GBE1: variants seen among roughly 807,000 people sequenced by gnomAD.
GBE1 encodes 1,4-alpha-glucan-branching enzyme.
A neutral mutation model predicts 88.8 loss-of-function variants in GBE1; 70 were observed. The ratio of observed to expected loss-of-function variants is 0.79; its 90% confidence interval spans 0.65 to 0.96. GBE1 has a LOEUF of 0.96. Among genes scored for constraint, GBE1 ranks in the 40% least tolerant of loss-of-function variants. GBE1 has a pLI of 0.00. For synonymous variants in GBE1, 284 were observed against 300.1 expected (o/e 0.95, Z 0.56); for missense variants, 872 against 871.0 (o/e 1.00, Z -0.01).
At chr3:81,552,021 G>A (rs573453276) in intron 12 of GBE1, among the ~76,000 whole-genome samples, 10 of 152,300 alleles carry the variant, frequency 6.6e-5, no homozygotes, top group Admixed American at 3.3e-4. Flanking sequence ...GATAAATTAT[G>A]TGTAACATCT....
At chr3:81,524,963 T>C (rs1000086813) in intron 14 of GBE1, among the ~76,000 whole-genome samples, 5 of 151,910 alleles carry the variant, frequency 3.3e-5, no homozygotes, top group Non-Finnish European at 7.4e-5. Flanking sequence ...GGTATTTTGA[T>C]AGGGATTCTT....
intron 5 of GBE1, among the ~76,000 whole-genome samples, chr3:81,646,974 T>A (rs1576183787): frequency 1.4e-5 from 2 of 144,898 alleles, no homozygotes; most frequent in East Asian, 4.0e-4. Flanking sequence ...TTTTTTTTTT[T>A]GAGATGGAGT....
At position 81,522,775 on chromosome 3, in the gene GBE1, C is replaced by A. The variant is rs1002333727; in HGVS notation, c.1934+12420G>T. Among the ~76,000 whole-genome samples, 11 of 151,548 alleles carry A rather than the reference C, an allele frequency of 7.3e-5. No homozygotes were observed. In the East Asian group the frequency reaches 1.2e-3, roughly 16 times the overall value. The stretch of plus-strand genomic sequence containing the variant: ...CAAGTGGGCACAAATCTGTAACAGG[C>A]AAAATGTGGGAAATAGGTCAACAAT... On this transcript the variant is annotated intron_variant, in intron 14 of 15. Transcript: ENST00000429644.
At chr3:81,515,384 T>C (rs1384118206) in intron 14 of GBE1, among the ~76,000 whole-genome samples, 2 of 151,564 alleles carry the variant, frequency 1.3e-5, no homozygotes, top group Non-Finnish European at 3.0e-5. Flanking sequence ...CTTGTTACTA[T>C]TGTAATTGTT....
chr3:81,656,035 G>C (rs551581714), intron 3 of GBE1, among the ~76,000 whole-genome samples: 1 of 152,128 alleles, frequency 6.6e-6, no homozygotes, highest in East Asian at 1.9e-4. Context: ...TCTATCCACA[G>C]CTCTGCTTGT....
chr3:81,518,831 C>T (rs1371829888), intron 14 of GBE1, among the ~76,000 whole-genome samples: 5 of 151,418 alleles, frequency 3.3e-5, no homozygotes, highest in East Asian at 1.9e-4. Context: ...CAATAAATTG[C>T]AGCATAACAT....
intron 1 of GBE1, among the ~76,000 whole-genome samples, chr3:81,750,601 G>GTATATATA (rs1290586284): frequency 5.6e-5 from 2 of 35,808 alleles, no homozygotes; most frequent in Admixed American, 3.7e-4. Flanking sequence ...ATATATATAT[G>GTATATATA]TGTATATATA....
chr3:81,661,499 T>C (rs144672529), intron 3 of GBE1, among the ~76,000 whole-genome samples: 62 of 152,364 alleles, frequency 4.1e-4, no homozygotes, highest in African/African-American at 1.4e-3. Context: ...TTGATTTGTA[T>C]ACTCCGACGT....
intron 3 of GBE1, among the ~76,000 whole-genome samples, chr3:81,655,702 T>C (rs1183797245): frequency 1.3e-5 from 2 of 152,166 alleles, no homozygotes; most frequent in East Asian, 3.9e-4. Context: ...TTTTTTTTAG[T>C]AGAGGCAGGG....
rs146787712 is a variant in GBE1 at position 81,656,879 on chromosome 3, G to A, written c.430-6958C>T. Among the ~76,000 whole-genome samples the A allele has an allele frequency of 1.1e-3, 168 of 152,166 alleles. 1 individual carries two copies. The highest frequency in any genetic ancestry group is 1.9e-3 in the Non-Finnish European group (130 of 68,012). On this transcript the variant is annotated intron_variant, in intron 3 of 15. Coordinates refer to ENST00000429644, the MANE Select transcript of GBE1 (RefSeq NM_000158.4). ...ACTTTAAAAATGTGAATTTGTGCCC[G>A]GGTGTGTGGCTCACGCTTGTAATCA...
chr3:81,714,182 T>C lies in GBE1; in HGVS notation c.144-8569A>G, dbSNP rs140709260. ...ATTTTGAACCCTGATGTCTTCCTAG[T>C]ACATACAATACTGGCACATAAGTTT... On this transcript the variant is annotated intron_variant, in intron 1 of 15. Coordinates refer to ENST00000429644, the MANE Select transcript of GBE1 (RefSeq NM_000158.4). Among the ~76,000 whole-genome samples the C allele has an allele frequency of 1.3e-3, 195 of 152,322 alleles. 5 individuals carry two copies. The East Asian group carries it at 0.031, about 24-fold the overall frequency.
chr3:81,654,881 C>A (rs1052035450), intron 3 of GBE1: 2 of 151,888 alleles, frequency 1.3e-5, no homozygotes, highest in Admixed American at 1.3e-4. Flanking sequence ...TACACATAAA[C>A]CCAACATATT....
At chr3:81,636,600 G>A (rs926971992) in intron 7 of GBE1, among the ~76,000 whole-genome samples, 3 of 150,192 alleles carry the variant, frequency 2.0e-5, no homozygotes, top group African/African-American at 4.9e-5. Context: ...GCGCAATCTC[G>A]GCTCACTGCA....
At chr3:81,614,485 C>T (rs1704222563) in intron 7 of GBE1, among the ~76,000 whole-genome samples, 1 of 152,100 alleles carries the variant, frequency 6.6e-6, no homozygotes, top group South Asian at 2.1e-4. Flanking sequence ...GCCTGCAATC[C>T]CAACTCTGTG....
Position 81,590,901 on chromosome 3 carries a change from T to C in GBE1, c.1236+136A>G, listed in dbSNP as rs1270387496. ...TAAATAATGTGCCACCCATACAAGA[T>C]AGCTGCACTATACTCAGGGTAGAAT... On this transcript the variant is annotated intron_variant, in intron 9 of 15. Transcript: ENST00000429644. 38 of 630,676 alleles carry C rather than the reference T, an allele frequency of 6.0e-5. No individual in the cohort carries two copies. The Middle Eastern group carries it at 8.3e-4, about 14-fold the overall frequency. 39.1% of individuals were successfully genotyped at this position (630,676 alleles called of 1,614,324 possible). A position where few individuals can be genotyped will look rare whatever the true frequency, so the allele number is the denominator to read the frequency against.
chr3:81,602,601 C>T (rs370696635), intron 7 of GBE1, among the ~76,000 whole-genome samples: 5 of 151,908 alleles, frequency 3.3e-5, no homozygotes, highest in Admixed American at 1.3e-4. Context: ...TCTAAGAGCG[C>T]TAATCCCATT....
intron 10 of GBE1, among the ~76,000 whole-genome samples, chr3:81,585,396 T>C (rs1020671723): frequency 3.3e-5 from 5 of 152,132 alleles, no homozygotes; most frequent in Non-Finnish European, 7.4e-5. Context: ...TTTGTATATA[T>C]ATCTGACTCC....
At chr3:81,753,055 A>G (rs903558695) in intron 1 of GBE1, among the ~76,000 whole-genome samples, 22 of 152,232 alleles carry the variant, frequency 1.4e-4, no homozygotes, top group Admixed American at 3.3e-4. Context: ...ATAAGTTCAC[A>G]GAGGTTGATT....
chr3:81,663,858 G>T (rs1008514439), intron 3 of GBE1, among the ~76,000 whole-genome samples: 1 of 152,198 alleles, frequency 6.6e-6, no homozygotes, highest in Admixed American at 6.5e-5. Flanking sequence ...CCCATCGCGC[G>T]CCCTGTGAGG....
Sources: gnomAD v4.1 joint callset for allele counts (sites outside exome capture counted in the v4.1 genomes callset) on GRCh38, gnomAD v4.1.1 for gene constraint, MANE v1.5 for transcripts, NCBI Gene and HGNC (gene_info 2026-07-23, HGNC 2026-07-21) for gene names.